Variants in KIF26B observed in about 807,000 individuals in gnomAD.
KIF26B encodes kinesin family member 26B.
A neutral mutation model predicts 151.2 loss-of-function variants in KIF26B; 63 were observed. The ratio of observed to expected loss-of-function variants is 0.42; its 90% CI spans 0.34 to 0.51. The LOEUF is 0.51. Among genes scored for constraint, KIF26B ranks in the 20% least tolerant of loss-of-function variants. The pLI is 0.07. For synonymous variants in KIF26B, 1,357 were observed against 1,262.1 expected (o/e 1.08, Z -1.59); for missense variants, 2,813 against 2,913.6 (o/e 0.97, Z 0.79).
chr1:245,274,132 T>C (rs1040707039), intron 2 of KIF26B, among the ~76,000 whole-genome samples: 1 of 152,356 alleles, frequency 6.6e-6, no homozygotes, highest in South Asian at 2.1e-4. Context: ...AAAATCTATA[T>C]GCTTTTCTGC....
At chr1:245,589,630 AATT>A (rs1424843296) in intron 5 of KIF26B, among the ~76,000 whole-genome samples, 2 of 152,170 alleles carry the variant, frequency 1.3e-5, no homozygotes, top group African/African-American at 4.8e-5. Context: ...CAGTATACCT[AATT>A]ATTAGGCGAG....
rs370109927 is a variant in KIF26B at position 245,706,215 on chromosome 1, G to A, written c.*3609G>A. On this transcript the variant is annotated 3_prime_UTR_variant, in exon 15 of 15. Coordinates refer to ENST00000407071, the MANE Select transcript of KIF26B (RefSeq NM_018012.4). ...ACCATCCAGGGTGGAGGTTCAAAAA[G>A]TCTTATACGCACCTACAAGTCTCAC... is the stretch of plus-strand genomic sequence containing the variant. 6.6e-6 allele frequency: 1 copy of A among 152,194 alleles called. No homozygotes were observed. Among genetic ancestry groups the A allele is most frequent in the Non-Finnish European group, 1.5e-5 (1 of 68,038 alleles). 9.4% of individuals were successfully genotyped at this position (152,194 alleles called of 1,614,324 possible).
chr1:245,304,873 T>A (rs547687668), intron 2 of KIF26B, among the ~76,000 whole-genome samples: 2 of 147,748 alleles, frequency 1.4e-5, no homozygotes, highest in East Asian at 3.9e-4. Flanking sequence ...GACCCATCTT[T>A]AAAAAAAAAA....
intron 5 of KIF26B, among the ~76,000 whole-genome samples, chr1:245,544,322 G>T (rs58027691): frequency 0.029 from 4,421 of 152,260 alleles, 239 homozygotes; most frequent in African/African-American, 0.1. Flanking sequence ...CCAAAAGCAA[G>T]TTGATTGATT....
At chr1:245,177,898 A>G (rs1668838087) in intron 2 of KIF26B, among the ~76,000 whole-genome samples, 1 of 152,110 alleles carries the variant, frequency 6.6e-6, no homozygotes, top group Non-Finnish European at 1.5e-5. Flanking sequence ...AGCGGGGATT[A>G]GGGTTTTTTG....
At chr1:245,677,276 G>A (rs1236179850) in intron 10 of KIF26B, among the ~76,000 whole-genome samples, 6 of 152,124 alleles carry the variant, frequency 3.9e-5, no homozygotes, top group Non-Finnish European at 5.9e-5. Flanking sequence ...GTACACTGCC[G>A]AATGACAGTG....
At chr1:245,609,584 G>T in intron 8 of KIF26B, 56 bp downstream of exon 8, 3 of 1,446,948 alleles carry the variant, frequency 2.1e-6, no homozygotes, top group Non-Finnish European at 2.7e-6. Context: ...CACCTCAGAG[G>T]CTGGGGCAGC....
chr1:245,621,731 C>A (rs1403253886), intron 9 of KIF26B, among the ~76,000 whole-genome samples: 2 of 152,198 alleles, frequency 1.3e-5, no homozygotes, highest in Non-Finnish European at 2.9e-5. Context: ...GATGGAAATT[C>A]TTGATAATAG....
At position 245,367,291 on chromosome 1, in the gene KIF26B, C is replaced by G. The variant is rs1002374622; in HGVS notation, c.923C>G (p.Ala308Gly). 4 of 1,597,976 alleles carry G rather than the reference C, an allele frequency of 2.5e-6. No individual in the cohort carries two copies. Among genetic ancestry groups the G allele is most frequent in the Non-Finnish European group, 2.6e-6 (3 of 1,172,566 alleles). ...AATGGGAACATCCTCAATTCGGTGGCCATCCAGGCTCACCAGTACCTGGAT... is the reference window on the plus strand; with the variant it reads ...AATGGGAACATCCTCAATTCGGTGGGCATCCAGGCTCACCAGTACCTGGAT... ...PSNGNILNSV[A>G]IQAHQYLDGT... The change falls in exon 3 of 15, where the codon GCC becomes GGC. Residue 308 changes from alanine (A) to glycine (G), a missense_variant. By Grantham distance (60) the Ala-to-Gly change is moderately conservative. Transcript: ENST00000407071. The surrounding 1 kb of genome is among the most constrained non-coding windows in gnomAD (Gnocchi z 4.2).
At chr1:245,439,346 C>CAAAAAAAAAAAA (rs777808376) in intron 4 of KIF26B, among the ~76,000 whole-genome samples, 3 of 131,730 alleles carry the variant, frequency 2.3e-5, no homozygotes, top group Non-Finnish European at 4.7e-5. Context: ...GACCCTGTCT[C>CAAAAAAAAAAAA]AAAAAAAAAA....
intron 4 of KIF26B, among the ~76,000 whole-genome samples, chr1:245,471,189 G>A (rs1659905913): frequency 6.6e-6 from 1 of 151,930 alleles, no homozygotes; most frequent in African/African-American, 2.4e-5. Flanking sequence ...GGAGTACAGT[G>A]GCACCATCTC....
chr1:245,358,011 G>A lies in KIF26B; in HGVS notation c.466-8823G>A, dbSNP rs536113183. Among the ~76,000 whole-genome samples, 39 of 152,136 alleles carry A rather than the reference G, an allele frequency of 2.6e-4. No homozygotes were observed. Among genetic ancestry groups the A allele is most frequent in the African/African-American group, 8.4e-4 (35 of 41,490 alleles). On this transcript the variant is annotated intron_variant, in intron 2 of 14. Coordinates refer to ENST00000407071, the MANE Select transcript of KIF26B (RefSeq NM_018012.4). The surrounding 1 kb of genome is among the most constrained non-coding windows in gnomAD (Gnocchi z 4.1). Reference sequence around the variant, plus strand: ...AGCTCACTGCATCCTCAGCCTCCTGGGCTCAAGGGATCCTCCCACCTCAGC... The same window carrying A: ...AGCTCACTGCATCCTCAGCCTCCTGAGCTCAAGGGATCCTCCCACCTCAGC...
intron 4 of KIF26B, among the ~76,000 whole-genome samples, chr1:245,447,558 C>A (rs978689811): frequency 1.3e-5 from 2 of 152,054 alleles, no homozygotes; most frequent in African/African-American, 2.4e-5. Context: ...AGGAACTTGT[C>A]CCTCCCTTCG....
At chr1:245,436,048 G>A (rs964353578) in intron 4 of KIF26B, among the ~76,000 whole-genome samples, 7 of 151,900 alleles carry the variant, frequency 4.6e-5, no homozygotes, top group East Asian at 1.9e-4. Context: ...GTGGTGGTGC[G>A]CACCTGGAAT....
Position 245,564,711 on chromosome 1 carries a change from G to A in KIF26B, c.1350+23761G>A, listed in dbSNP as rs2042991700. ...TAAAGCAGCAGCCCCCAGCCTGTAG[G>A]CACCAGGGACTGGTTTCACGGAAGA... On this transcript the variant is annotated intron_variant, in intron 5 of 14. Coordinates refer to ENST00000407071, the MANE Select transcript of KIF26B (RefSeq NM_018012.4). The surrounding 1 kb of genome is among the most constrained non-coding windows in gnomAD (Gnocchi z 4.6). Among the ~76,000 whole-genome samples the A allele has an allele frequency of 1.3e-5, 2 of 152,266 alleles. No individual in the cohort carries two copies. The highest frequency in any genetic ancestry group is 4.1e-4 in the South Asian group (2 of 4,822).
rs1319021504 is a variant in KIF26B, at chr1:245,196,244, A to G, written c.465+39561A>G. On this transcript the variant is annotated intron_variant, in intron 2 of 14. Coordinates refer to ENST00000407071, the MANE Select transcript of KIF26B (RefSeq NM_018012.4). ...TCCTCCCAGCAGCTACTCTGTGGAT[A>G]CATCCTGTGAACTTCCCTTTGCAAT... Among the ~76,000 whole-genome samples the G allele has an allele frequency of 2.0e-5, 3 of 152,172 alleles. No individual in the cohort carries two copies. In the East Asian group the frequency reaches 5.8e-4, roughly 29 times the overall value.
chr1:245,649,895 C>T (rs935828016), intron 10 of KIF26B, among the ~76,000 whole-genome samples: 9 of 152,200 alleles, frequency 5.9e-5, no homozygotes, highest in African/African-American at 2.2e-4. Flanking sequence ...CATTACCCAT[C>T]CCAGGCATTC....
At chr1:245,621,058 C>G (rs1047666528) in intron 9 of KIF26B, among the ~76,000 whole-genome samples, 1 of 152,098 alleles carries the variant, frequency 6.6e-6, no homozygotes, top group Admixed American at 6.5e-5. Context: ...ATTAGACTCA[C>G]CTGGAGGGCT....
At chr1:245,524,623 T>G (rs895428979) in intron 4 of KIF26B, among the ~76,000 whole-genome samples, 21 of 152,214 alleles carry the variant, frequency 1.4e-4, no homozygotes, top group African/African-American at 5.1e-4. Context: ...TTTTATAAGC[T>G]AAGTAACTGT....
Sources: gnomAD v4.1 joint callset for allele counts (sites outside exome capture counted in the v4.1 genomes callset) on GRCh38, gnomAD v4.1.1 for gene constraint, Gnocchi (gnomAD v3.1) non-coding constraint, MANE v1.5 for transcripts, NCBI Gene and HGNC (gene_info 2026-07-23, HGNC 2026-07-21) for gene names.